The following NAA11 variants were observed in gnomAD, a reference collection of about 807,000 sequenced individuals.
NAA11 encodes the protein N-alpha-acetyltransferase 11, NatA catalytic subunit.
A neutral mutation model predicts 16.1 loss-of-function variants in NAA11; 15 were observed. The observed-to-expected ratio is 0.93, with a 90% CI of 0.62 to 1.44. NAA11 has a LOEUF of 1.44. Among genes scored for constraint, NAA11 ranks in the 40% most tolerant of loss-of-function variants. NAA11 has a pLI of 0.00. For synonymous variants in NAA11, 122 were observed against 112.4 expected, an observed-to-expected ratio of 1.09 and a Z score of -0.54; for missense variants, 298 against 291.3, an observed-to-expected ratio of 1.02 and a Z score of -0.17.
At chr4:79,236,136 A>C (rs1188989956) in intron 2 of NAA11, among the ~76,000 whole-genome samples, 1 of 152,132 alleles carries the variant, frequency 6.6e-6, no homozygotes, top group African/African-American at 2.4e-5. Flanking sequence ...TGTAAAATGT[A>C]TATTTCTTTG....
At chr4:79,264,549 C>A (rs1722304204) in intron 2 of NAA11, among the ~76,000 whole-genome samples, 1 of 152,150 alleles carries the variant, frequency 6.6e-6, no homozygotes, top group Non-Finnish European at 1.5e-5. Context: ...TGACTTTTAT[C>A]TATACCATTC....
the NAA11 span, among the ~76,000 whole-genome samples, chr4:79,172,340 TA>T: frequency 6.6e-6 from 1 of 152,116 alleles, no homozygotes; most frequent in Non-Finnish European, 1.5e-5. Flanking sequence ...ATATATTTTT[TA>T]AAAAAATTAA....
intron 2 of NAA11, among the ~76,000 whole-genome samples, chr4:79,239,109 G>A (rs1246293461): frequency 6.6e-6 from 1 of 152,170 alleles, no homozygotes; most frequent in Non-Finnish European, 1.5e-5. Flanking sequence ...ATGACAGCTG[G>A]TAGGATTCCA....
intron 1 of NAA11, among the ~76,000 whole-genome samples, chr4:79,304,425 A>T (rs142606366): frequency 1.3e-5 from 2 of 152,350 alleles, no homozygotes; most frequent in East Asian, 3.8e-4. Flanking sequence ...AAGAATGTGT[A>T]TGTGAACCAA....
At chr4:79,249,778 C>T (rs1372248070) in intron 2 of NAA11, among the ~76,000 whole-genome samples, 1 of 152,200 alleles carries the variant, frequency 6.6e-6, no homozygotes, top group Non-Finnish European at 1.5e-5. Context: ...CAAAATACTA[C>T]ACAAGAATAC....
chr4:79,180,601 A>G, the NAA11 span, among the ~76,000 whole-genome samples: 5 of 152,160 alleles, frequency 3.3e-5, no homozygotes, highest in African/African-American at 7.2e-5. Flanking sequence ...AGAGGATGTG[A>G]AGAAATAGGA....
At chr4:79,322,393 CTTAT>C (rs1414994933) in intron 1 of NAA11, among the ~76,000 whole-genome samples, 4 of 151,964 alleles carry the variant, frequency 2.6e-5, no homozygotes, top group East Asian at 3.9e-4. Context: ...AATGAATTTT[CTTAT>C]TTATTATTTC....
the NAA11 span, among the ~76,000 whole-genome samples, chr4:79,207,693 G>C: frequency 6.6e-6 from 1 of 152,108 alleles, no homozygotes; most frequent in Non-Finnish European, 1.5e-5. Flanking sequence ...AACTGATCAA[G>C]AAAGTTACAC....
At chr4:79,277,617 C>G (rs750214587) in intron 2 of NAA11, among the ~76,000 whole-genome samples, 5 of 152,046 alleles carry the variant, frequency 3.3e-5, no homozygotes, top group Non-Finnish European at 7.4e-5. Flanking sequence ...CTGACTCATT[C>G]TGATTACCTG....
intron 2 of NAA11, among the ~76,000 whole-genome samples, chr4:79,243,686 C>T (rs4988619): frequency 1.3e-5 from 2 of 152,070 alleles, no homozygotes; most frequent in African/African-American, 4.8e-5. Flanking sequence ...ATTCTTGCCT[C>T]CTCAGAAGAA....
chr4:79,312,666 A>G (rs1723811123), downstream of NAA11, among the ~76,000 whole-genome samples: 1 of 150,318 alleles, frequency 6.7e-6, no homozygotes, highest in Admixed American at 6.6e-5. Flanking sequence ...AAAAAAAAAA[A>G]AAAAAAGAGT....
chr4:79,164,748 A>G, the NAA11 span, among the ~76,000 whole-genome samples: 1 of 152,182 alleles, frequency 6.6e-6, no homozygotes, highest in Non-Finnish European at 1.5e-5. Flanking sequence ...CTCCCAAGGA[A>G]CACAGAGTTA....
the NAA11 span, among the ~76,000 whole-genome samples, chr4:79,197,962 A>C: frequency 7.8e-6 from 1 of 127,774 alleles, no homozygotes; most frequent in Admixed American, 8.4e-5. Flanking sequence ...CGAGGTAAGT[A>C]AAATAACTTT....
chr4:79,291,240 T>C (rs1048813626), intron 2 of NAA11, among the ~76,000 whole-genome samples: 1 of 152,088 alleles, frequency 6.6e-6, no homozygotes, highest in Admixed American at 6.6e-5. Flanking sequence ...GACCAGAGGA[T>C]TGCTTAAGAC....
chr4:79,199,989 G>C, the NAA11 span, among the ~76,000 whole-genome samples: 161 of 151,924 alleles, frequency 1.1e-3, no homozygotes, highest in Middle Eastern at 3.4e-3. Flanking sequence ...GTCTCTGCTG[G>C]TGCTTAATTC....
chr4:79,208,729 A>G, the NAA11 span, among the ~76,000 whole-genome samples: 1 of 151,892 alleles, frequency 6.6e-6, no homozygotes, highest in Non-Finnish European at 1.5e-5. Context: ...TATTTCATGT[A>G]TGAATATTTT....
At chr4:79,155,685 A>G in the NAA11 span, among the ~76,000 whole-genome samples, 1 of 152,230 alleles carries the variant, frequency 6.6e-6, no homozygotes, top group South Asian at 2.1e-4. Context: ...TGAATAATAC[A>G]CATCTGGATA....
chr4:79,255,019 T>C (rs1224353913), intron 2 of NAA11, among the ~76,000 whole-genome samples: 1 of 152,078 alleles, frequency 6.6e-6, no homozygotes, highest in Non-Finnish European at 1.5e-5. Context: ...TTATATACAA[T>C]AATGTCAAAG....
At chr4:79,166,609 A>C in the NAA11 span, among the ~76,000 whole-genome samples, 1 of 141,306 alleles carries the variant, frequency 7.1e-6, no homozygotes, top group African/African-American at 2.6e-5. Flanking sequence ...GATTACAGGT[A>C]TTGTAATCCT....
Sources: allele counts gnomAD v4.1 joint callset (sites outside exome capture counted in the v4.1 genomes callset), GRCh38; gene constraint gnomAD v4.1.1; transcripts MANE v1.5; gene names NCBI Gene and HGNC (gene_info 2026-07-23, HGNC 2026-07-21).